Variants in PCDHGB5 observed in about 807,000 individuals in gnomAD.
The protein encoded by PCDHGB5 is protocadherin gamma subfamily B, 5.
A neutral mutation model predicts 62.9 loss-of-function variants in PCDHGB5; 48 were observed. The observed-to-expected ratio is 0.76, with a 90% CI of 0.61 to 0.97. The LOEUF (loss-of-function observed/expected upper bound fraction) is 0.97. Among genes scored for constraint, PCDHGB5 ranks in the 50% least tolerant of loss-of-function variants. PCDHGB5 has a pLI of 0.00. For synonymous variants in PCDHGB5, 474 were observed against 511.2 expected (o/e 0.93, Z 0.98); for missense variants, 1,118 against 1,198.6 (o/e 0.93, Z 0.99).
intron 1 of PCDHGB5, among the ~76,000 whole-genome samples, chr5:141,402,058 TA>T: frequency 6.6e-6 from 1 of 152,304 alleles, no homozygotes; most frequent in South Asian, 2.1e-4. Flanking sequence ...ATATTCACAT[TA>T]AAAAACTAAG....
chr5:141,509,298 C>A (rs974744333), intron 3 of PCDHGB5, among the ~76,000 whole-genome samples: 1 of 152,180 alleles, frequency 6.6e-6, no homozygotes, highest in Non-Finnish European at 1.5e-5. Flanking sequence ...AGGGTGGAGG[C>A]AGAGGGAGGC....
At position 141,485,144 on chromosome 5, in the gene PCDHGB5, G is replaced by A; in HGVS notation, c.2398-9663G>A. 6.4e-7 allele frequency: 1 copy of A among 1,564,192 alleles called. No homozygotes were observed. The highest frequency in any genetic ancestry group is 1.7e-5 in the Admixed American group (1 of 59,326). On this transcript the variant is annotated intron_variant, in intron 1 of 3. Transcript: ENST00000617380. This position sits in a 1 kb window ranked among gnomAD's most constrained non-coding sequence, Gnocchi z 5.7. ...CGGGTCGGCTTCATCCGCGTCTCAG[G>A]AGCAAGTAGAGAATTAGCGGGCGGC...
intron 2 of PCDHGB5, among the ~76,000 whole-genome samples, chr5:141,501,506 G>A (rs770097282): frequency 1.3e-5 from 2 of 151,864 alleles, no homozygotes; most frequent in Non-Finnish European, 2.9e-5. Context: ...GGGGCTCCAA[G>A]GCCTCCAAGC....
Position 141,413,166 on chromosome 5 carries a change from C to T in PCDHGB5, c.2397+12642C>T, listed in dbSNP as rs758193163. ...GTGAGGACTTTGCAGAATTCTGTAA[C>T]CAGACTACAATGGCCGCTCAAAGGA... On this transcript the variant is annotated intron_variant, in intron 1 of 3. Transcript: ENST00000617380. 5 of 1,590,278 alleles carry T rather than the reference C, an allele frequency of 3.1e-6. No individual in the cohort carries two copies. The East Asian group carries it at 1.1e-4, about 36-fold the overall frequency.
Position 141,432,084 on chromosome 5 carries a change from TG to T in PCDHGB5, c.2397+31562del. 6.2e-7 allele frequency: 1 copy of T among 1,614,186 alleles called. No homozygotes were observed. Among genetic ancestry groups the T allele is most frequent in the Non-Finnish European group, 8.5e-7 (1 of 1,180,034 alleles). ...ACGGAAACTCATATCTCGCTGAACG[TG>T]GCAGACACCAACGACAACCCGCCGG... On this transcript the variant is annotated intron_variant, in intron 1 of 3. Transcript: ENST00000617380. The surrounding 1 kb of genome is among the most constrained non-coding windows in gnomAD (Gnocchi z 6.0).
chr5:141,456,324 G>T (rs757059960), intron 1 of PCDHGB5, among the ~76,000 whole-genome samples: 15 of 152,166 alleles, frequency 9.9e-5, no homozygotes, highest in Non-Finnish European at 2.9e-5. Context: ...TCCTCCTGGG[G>T]TTGATCTAAG....
intron 1 of PCDHGB5, chr5:141,420,054 G>A (rs1355002535): frequency 6.2e-7 from 1 of 1,614,070 alleles, no homozygotes; most frequent in East Asian, 2.2e-5. Context: ...TCAGTTCTCT[G>A]CTCCAAGTCC....
chr5:141,404,358 C>T (rs746085915), intron 1 of PCDHGB5: 19 of 1,613,846 alleles, frequency 1.2e-5, no homozygotes, highest in Non-Finnish European at 1.6e-5. Context: ...GCCAGAGGTA[C>T]TTCCATCTTC....
At chr5:141,419,086 C>G (rs2096324558) in intron 1 of PCDHGB5, 1 of 1,613,808 alleles carries the variant, frequency 6.2e-7, no homozygotes, top group African/African-American at 1.3e-5. Context: ...CAGATGAGGC[C>G]CTGGATCGGG....
chr5:141,497,385 C>T (rs2154592097), intron 2 of PCDHGB5, among the ~76,000 whole-genome samples: 1 of 152,212 alleles, frequency 6.6e-6, no homozygotes, highest in African/African-American at 2.4e-5. Flanking sequence ...GGGGTGAGCA[C>T]CTTACCCCTG....
chr5:141,458,718 C>T (rs569153299), intron 1 of PCDHGB5, among the ~76,000 whole-genome samples: 3 of 151,942 alleles, frequency 2.0e-5, no homozygotes, highest in African/African-American at 4.8e-5. Context: ...TACAGGTATT[C>T]GCCACCACAT....
At chr5:141,478,287 G>C (rs777542913) in intron 1 of PCDHGB5, 1 of 1,614,154 alleles carries the variant, frequency 6.2e-7, no homozygotes, top group South Asian at 1.1e-5. Context: ...AAGCAGTCTA[G>C]AGACCTATAC....
At chr5:141,507,798 GCCCT>G (rs2099863561) in intron 3 of PCDHGB5, among the ~76,000 whole-genome samples, 1 of 152,188 alleles carries the variant, frequency 6.6e-6, no homozygotes, top group Admixed American at 6.5e-5. Context: ...CTAAGCCTGC[GCCCT>G]GGGGAACGGA....
In PCDHGB5 at chr5:141,432,596, G is replaced by T; in HGVS notation, c.2397+32072G>T. On this transcript the variant is annotated intron_variant, in intron 1 of 3. Transcript: ENST00000617380. This position sits in a 1 kb window ranked among gnomAD's most constrained non-coding sequence, Gnocchi z 6.0. The stretch of plus-strand genomic sequence containing the variant: ...GTCCTACCGTCTGCTCAAGGCCAGC[G>T]AGCCGGGACTCTTCTCGGTGGGTCT... 6.8e-6 allele frequency: 11 copies of T among 1,613,926 alleles called. No individual in the cohort carries two copies. The highest frequency in any genetic ancestry group is 9.3e-6 in the Non-Finnish European group (11 of 1,179,972).
At position 141,486,691 on chromosome 5, in the gene PCDHGB5, T is replaced by C. The variant is rs778748447; in HGVS notation, c.2398-8116T>C. 8 of 1,614,024 alleles carry C rather than the reference T, an allele frequency of 5.0e-6. No individual in the cohort carries two copies. The highest frequency in any genetic ancestry group is 1.3e-5 in the African/African-American group (1 of 74,922). The stretch of plus-strand genomic sequence containing the variant: ...GGAATCGAGATGTATCAGCTTCCTC[T>C]TTCATCTCTCTGAACCCCCAGACAG... On this transcript the variant is annotated intron_variant, in intron 1 of 3. Coordinates refer to ENST00000617380, the MANE Select transcript of PCDHGB5 (RefSeq NM_018925.3). The surrounding 1 kb of genome is among the most constrained non-coding windows in gnomAD (Gnocchi z 5.0).
chr5:141,447,514 C>T (rs901543835), intron 1 of PCDHGB5, among the ~76,000 whole-genome samples: 20 of 152,196 alleles, frequency 1.3e-4, no homozygotes, highest in Admixed American at 8.5e-4. Context: ...AGATGCATAA[C>T]AATCATAACA....
rs1354510383 is a variant in PCDHGB5, at chr5:141,432,312, G to A, written c.2397+31788G>A. The A allele has an allele frequency of 5.6e-6, 9 of 1,614,132 alleles. No homozygotes were observed. The highest frequency in any genetic ancestry group is 7.6e-6 in the Non-Finnish European group (9 of 1,180,054). On this transcript the variant is annotated intron_variant, in intron 1 of 3. Transcript: ENST00000617380. The surrounding 1 kb of genome is among the most constrained non-coding windows in gnomAD (Gnocchi z 6.0). Reference sequence around the variant, plus strand: ...GACACTGGGGTACTGTATGCGCTGAGCTCCTTCGACTACGAGCAGTTCCGA... The same window carrying A: ...GACACTGGGGTACTGTATGCGCTGAACTCCTTCGACTACGAGCAGTTCCGA...
rs780383828 is a variant in PCDHGB5, at chr5:141,422,708, A to G, written c.2397+22184A>G. ...GCCCTGGTCACTTACTCTCTGACGGATGACACTGTCCAGGGGGTGCCTCTG... is the reference window on the plus strand; with the variant it reads ...GCCCTGGTCACTTACTCTCTGACGGGTGACACTGTCCAGGGGGTGCCTCTG... On this transcript the variant is annotated intron_variant, in intron 1 of 3. Transcript: ENST00000617380. 28 of 1,603,464 alleles carry G rather than the reference A, an allele frequency of 1.7e-5. No individual in the cohort carries two copies. The East Asian group carries it at 3.8e-4, about 22-fold the overall frequency.
In PCDHGB5 at chr5:141,487,000, G is replaced by T. The variant is rs1410493699; in HGVS notation, c.2398-7807G>T. 2 of 1,614,076 alleles carry T rather than the reference G, an allele frequency of 1.2e-6. No homozygotes were observed. Among genetic ancestry groups the T allele is most frequent in the Non-Finnish European group, 1.7e-6 (2 of 1,180,044 alleles). On this transcript the variant is annotated intron_variant, in intron 1 of 3. Coordinates refer to ENST00000617380, the MANE Select transcript of PCDHGB5 (RefSeq NM_018925.3). The surrounding 1 kb of genome is among the most constrained non-coding windows in gnomAD (Gnocchi z 5.0). Reference sequence around the variant, plus strand: ...GTTACAATGCTTGGGTTTCCTATCAGCTCCTGGAGGCCCCAGATCCCAGCC... The same window carrying T: ...GTTACAATGCTTGGGTTTCCTATCATCTCCTGGAGGCCCCAGATCCCAGCC...
Sources: gnomAD v4.1 joint callset for allele counts (sites outside exome capture counted in the v4.1 genomes callset) on GRCh38, gnomAD v4.1.1 for gene constraint, Gnocchi (gnomAD v3.1) non-coding constraint, MANE v1.5 for transcripts, NCBI Gene and HGNC (gene_info 2026-07-23, HGNC 2026-07-21) for gene names.